MAGEL2: variants seen among roughly 807,000 people sequenced by gnomAD.
The protein encoded by MAGEL2 is MAGE-like protein 2.
For synonymous variants in MAGEL2, 792 were observed against 721.7 expected, an observed-to-expected ratio of 1.10 and a Z score of -1.56; for missense variants, 1,830 against 1,699.2, an observed-to-expected ratio of 1.08 and a Z score of -1.35.
In MAGEL2 at chr15:23,644,754, C is replaced by T. The variant is rs558186319; in HGVS notation, c.2989G>A (p.Ala997Thr). Residue 997 changes from alanine (A) to threonine (T), a missense_variant, in exon 1 of 1, where the codon GCA becomes ACA. By Grantham distance (58) the Ala-to-Thr change is moderately conservative. Transcript: ENST00000650528. The part of the protein sequence containing the change: ...SSLPVVVSEV[A>T]SVSPGSSATQ... ...GCACTGGATCCCGGAGAGACACTTG[C>T]GACCTCAGACACAACTACGGGCAGA... The T allele has an allele frequency of 4.1e-5, 66 of 1,613,764 alleles. No individual in the cohort carries two copies. The highest frequency in any genetic ancestry group is 1.6e-4 in the Middle Eastern group (1 of 6,062).
chr15:23,645,952 T>A lies in MAGEL2; in HGVS notation c.1791A>T (p.Pro597=). Residue 597 remains proline, a synonymous_variant, in exon 1 of 1, where the codon CCA becomes CCT. Coordinates refer to ENST00000650528, the MANE Select transcript of MAGEL2 (RefSeq NM_019066.5). ...WQAPKGQPPV[P]HEIPTSMEFQ... is the part of the protein sequence containing the mutation. ...ATTCCATTGACGTTGGAATCTCGTG[T>A]GGCACCGGGGGCTGACCTTTGGGGG... 2 of 1,566,750 alleles carry A rather than the reference T, an allele frequency of 1.3e-6. No individual in the cohort carries two copies. The highest frequency in any genetic ancestry group is 1.4e-5 in the African/African-American group (1 of 73,890).
rs34875116 is a variant in MAGEL2 at position 23,644,053 on chromosome 15, C to G, written c.3690G>C (p.Glu1230Asp). The change falls in exon 1 of 1, where the codon GAG becomes GAC. Residue 1230 changes from glutamate (E) to aspartate (D), a missense_variant. Transcript: ENST00000650528. ...LAECEWEDTD[E>D]DEPDTGDSAH... The stretch of plus-strand genomic sequence containing the variant: ...CACTGTCACCGGTGTCAGGTTCATC[C>G]TCATCTGTGTCTTCCCACTCACACT... 301 of 1,613,318 alleles carry G rather than the reference C, an allele frequency of 1.9e-4. No homozygotes were observed. The African/African-American group carries it at 2.4e-3, about 13-fold the overall frequency.
At position 23,644,581 on chromosome 15, in the gene MAGEL2, A is replaced by G. The variant is rs1307735740; in HGVS notation, c.3162T>C (p.Tyr1054=). The change falls in exon 1 of 1, where the codon TAT becomes TAC. Residue 1054 remains tyrosine, a synonymous_variant. Coordinates refer to ENST00000650528, the MANE Select transcript of MAGEL2 (RefSeq NM_019066.5). ...SEMVKVILRE[Y]KDECLDIINR... ...TGATGATATCTAAGCACTCATCTTT[A>G]TACTCTCGGAGGATGACTTTCACCA... The G allele has an allele frequency of 1.2e-6, 2 of 1,613,934 alleles. No homozygotes were observed. The highest frequency in any genetic ancestry group is 1.7e-6 in the Non-Finnish European group (2 of 1,179,876).
At position 23,646,356 on chromosome 15, in the gene MAGEL2, C is replaced by CCTGGCGGATCACAGG. The variant is rs1890403716; in HGVS notation, c.1386_1387insCCTGTGATCCGCCAG (p.Pro462_Ala463insProValIleArgGln). 1.6e-6 allele frequency: 2 copies of CCTGGCGGATCACAGG among 1,268,238 alleles called. No homozygotes were observed. The highest frequency in any genetic ancestry group is 2.3e-5 in the South Asian group (1 of 43,894). 78.6% of individuals were successfully genotyped at this position (1,268,238 alleles called of 1,614,324 possible). ...ACAGGTGGGGCCTGGCGGATCACAG[C>CCTGGCGGATCACAGG]GGGGGCCTGGCGGATCACGGGTGGG... On this transcript the variant is annotated inframe_insertion, in exon 1 of 1. Coordinates refer to ENST00000650528, the MANE Select transcript of MAGEL2 (RefSeq NM_019066.5). The surrounding 1 kb of genome is among the most constrained non-coding windows in gnomAD (Gnocchi z 4.2).
At position 23,646,671 on chromosome 15, in the gene MAGEL2, G is replaced by C. The variant is rs576726601; in HGVS notation, c.1072C>G (p.Pro358Ala). ...PPQVPQGPQA[P>A]PAQLATPPGW... ...GGGGGTGTGGCTAGCTGCGCTGGGG[G>C]TGCCTGCGGGCCCTGGGGAACCTGC... The change falls in exon 1 of 1, where the codon CCC becomes GCC. Residue 358 changes from proline to alanine, a missense_variant. Physicochemically the swap from Pro to Ala is conservative, Grantham distance 27. Transcript: ENST00000650528. The surrounding 1 kb of genome is among the most constrained non-coding windows in gnomAD (Gnocchi z 4.2). 1.8e-5 allele frequency: 27 copies of C among 1,508,544 alleles called. 1 individual carries two copies. The South Asian group carries it at 3.3e-4, about 18-fold the overall frequency. The allele number at this position is 1,508,544 out of a possible 1,614,324, so 93.4% of individuals were successfully genotyped here.
In MAGEL2 at chr15:23,646,304, C is replaced by T. The variant is rs1443482720; in HGVS notation, c.1439G>A (p.Arg480His). The change falls in exon 1 of 1, where the codon CGC becomes CAC. Residue 480 changes from arginine (R) to histidine (H), a missense_variant. Arg to His is a conservative substitution (Grantham distance 29). Coordinates refer to ENST00000650528, the MANE Select transcript of MAGEL2 (RefSeq NM_019066.5). The surrounding 1 kb of genome is among the most constrained non-coding windows in gnomAD (Gnocchi z 4.2). ...PVIRQAPPVI[R>H]QAPPVIRQAP... ...CTGGCGGATCACAGGTGGAGCCTGG[C>T]GGATCACAGGTGGGGCCTGGCGGAT... 1.5e-6 allele frequency: 2 copies of T among 1,370,682 alleles called. No homozygotes were observed. The highest frequency in any genetic ancestry group is 1.6e-5 in the African/African-American group (1 of 64,070). 84.9% of individuals were successfully genotyped at this position (1,370,682 alleles called of 1,614,324 possible). A position where few individuals can be genotyped will look rare whatever the true frequency, so the allele number is the denominator to read the frequency against.
At position 23,645,748 on chromosome 15, in the gene MAGEL2, G is replaced by A. The variant is rs567654551; in HGVS notation, c.1995C>T (p.Pro665=). The A allele has an allele frequency of 1.9e-6, 3 of 1,574,436 alleles. No homozygotes were observed. The highest frequency in any genetic ancestry group is 1.8e-5 in the Admixed American group (1 of 54,722). ...SQKAVQIQLP[P]QQAQASGPQA... is the part of the protein sequence containing the mutation. ...GCGGACCCGATGCCTGGGCCTGCTG[G>A]GGGGGTAGCTGGATTTGCACGGCTT... The change falls in exon 1 of 1, where the codon CCC becomes CCT. Residue 665 remains proline, a synonymous_variant. Transcript: ENST00000650528.
Position 23,647,538 on chromosome 15 carries a change from G to T in MAGEL2, c.205C>A (p.Gln69Lys), listed in dbSNP as rs958433254. Residue 69 changes from glutamine (Q) to lysine (K), a missense_variant, in exon 1 of 1, where the codon CAG becomes AAG. By Grantham distance (53) the Gln-to-Lys change is moderately conservative. Coordinates refer to ENST00000650528, the MANE Select transcript of MAGEL2 (RefSeq NM_019066.5). Reference sequence around the variant, plus strand: ...ACCACCGGGGCGGGCAGCTGGCCCTGTGGGGCCTCCCAGGCAGGCTGAGGT... The same window carrying T: ...ACCACCGGGGCGGGCAGCTGGCCCTTTGGGGCCTCCCAGGCAGGCTGAGGT... ...QAPQPAWEAPQGQLPAPVVPM... is the reference protein window; with the variant it reads ...QAPQPAWEAPKGQLPAPVVPM... 2.6e-6 allele frequency: 4 copies of T among 1,533,040 alleles called. No individual in the cohort carries two copies. In the African/African-American group the frequency reaches 5.5e-5, roughly 21 times the overall value. The allele number at this position is 1,533,040 out of a possible 1,614,324, so 95.0% of individuals were successfully genotyped here. A position where few individuals can be genotyped will look rare whatever the true frequency, so the allele number is the denominator to read the frequency against.
At position 23,645,640 on chromosome 15, in the gene MAGEL2, T is replaced by A. The variant is rs1595332441; in HGVS notation, c.2103A>T (p.Val701=). The change falls in exon 1 of 1, where the codon GTA becomes GTT. Residue 701 remains valine (V), a synonymous_variant. Transcript: ENST00000650528. ...AGCCCAGGGGAAAATTTGCCGCTGC[T>A]ACCGGGGGTCCGGGCTGGGCCTGCA... ...AVLQAQPGPP[V]AAANFPLGSA... 6 of 1,587,074 alleles carry A rather than the reference T, an allele frequency of 3.8e-6. No individual in the cohort carries two copies. In the Admixed American group the frequency reaches 8.8e-5, roughly 23 times the overall value.
rs1380046337 is a variant in MAGEL2, at chr15:23,647,212, G to T, written c.531C>A (p.Thr177=). Reference sequence around the variant, plus strand: ...CCGGAGGAGGAGGATGCACCATCGGGGTCCCCGGAGGAGGAGGATGGGCCA... The same window carrying T: ...CCGGAGGAGGAGGATGCACCATCGGTGTCCCCGGAGGAGGAGGATGGGCCA... ...TPMAHPPPPG[T]PMVHPPPPGT... Residue 177 remains threonine (T), a synonymous_variant, in exon 1 of 1, where the codon ACC becomes ACA. Coordinates refer to ENST00000650528, the MANE Select transcript of MAGEL2 (RefSeq NM_019066.5). 5 of 1,519,438 alleles carry T rather than the reference G, an allele frequency of 3.3e-6. No homozygotes were observed. The East Asian group carries it at 1.2e-4, about 37-fold the overall frequency. 94.1% of individuals were successfully genotyped at this position (1,519,438 alleles called of 1,614,324 possible).
chr15:23,644,745 A>G lies in MAGEL2; in HGVS notation c.2998T>C (p.Ser1000Pro), dbSNP rs1890355286. Residue 1000 changes from serine (S) to proline (P), a missense_variant, in exon 1 of 1, where the codon TCT becomes CCT. Transcript: ENST00000650528. ...PVVVSEVASV[S>P]PGSSATQDNS... is the part of the protein sequence containing the mutation. ...TCCTGGGTGGCACTGGATCCCGGAG[A>G]GACACTTGCGACCTCAGACACAACT... is the stretch of plus-strand genomic sequence containing the variant. The G allele has an allele frequency of 6.2e-7, 1 of 1,613,544 alleles. No homozygotes were observed. Among genetic ancestry groups the G allele is most frequent in the African/African-American group, 1.3e-5 (1 of 74,848 alleles).
Position 23,646,455 on chromosome 15 carries a change from C to G in MAGEL2, c.1288G>C (p.Val430Leu). 3.5e-6 allele frequency: 5 copies of G among 1,421,972 alleles called. No individual in the cohort carries two copies. The highest frequency in any genetic ancestry group is 4.6e-6 in the Non-Finnish European group (5 of 1,096,596). 88.1% of individuals were successfully genotyped at this position (1,421,972 alleles called of 1,614,324 possible). The change falls in exon 1 of 1, where the codon GTG becomes CTG. Residue 430 changes from valine (V) to leucine (L), a missense_variant. Transcript: ENST00000650528. The surrounding 1 kb of genome is among the most constrained non-coding windows in gnomAD (Gnocchi z 4.2). Reference protein sequence around the residue: ...PPPIRPGPPPVRQAPPLIRQA... With the variant: ...PPPIRPGPPPLRQAPPLIRQA... ...CGGATCAGCGGTGGGGCCTGTCGCACCGGTGGTGGGCCAGGGCGGATGGGT... is the reference window on the plus strand; with the variant it reads ...CGGATCAGCGGTGGGGCCTGTCGCAGCGGTGGTGGGCCAGGGCGGATGGGT...
Position 23,646,339 on chromosome 15 carries a change from G to T in MAGEL2, c.1404C>A (p.Ala468=), listed in dbSNP as rs2233064. ...IRQAPAVIRQ[A]PPVIRQAPPV... is the part of the protein sequence containing the mutation. ...GTGGGGCCTGGCGGATCACAGGTGG[G>T]GCCTGGCGGATCACAGCGGGGGCCT... is the stretch of plus-strand genomic sequence containing the variant. Residue 468 remains alanine, a synonymous_variant, in exon 1 of 1, where the codon GCC becomes GCA. Coordinates refer to ENST00000650528, the MANE Select transcript of MAGEL2 (RefSeq NM_019066.5). The surrounding 1 kb of genome is among the most constrained non-coding windows in gnomAD (Gnocchi z 4.2). 995 of 1,375,472 alleles carry T rather than the reference G, an allele frequency of 7.2e-4. 12 individuals carry two copies. The African/African-American group carries it at 0.013, about 18-fold the overall frequency. 85.2% of individuals were successfully genotyped at this position (1,375,472 alleles called of 1,614,324 possible).
Position 23,645,817 on chromosome 15 carries a change from C to A in MAGEL2, c.1926G>T (p.Leu642Phe), listed in dbSNP as rs1305309809. The A allele has an allele frequency of 6.3e-7, 1 of 1,588,380 alleles. No individual in the cohort carries two copies. The highest frequency in any genetic ancestry group is 8.6e-7 in the Non-Finnish European group (1 of 1,168,692). The change falls in exon 1 of 1, where the codon TTG becomes TTT. Residue 642 changes from leucine to phenylalanine, a missense_variant. Leu to Phe is a conservative substitution (Grantham distance 22). Transcript: ENST00000650528. ...AQEAQRQAPP[L>F]VQLEQPFQGA... ...CCTGAAAGGGCTGCTCCAGCTGGACCAAGGGGGGAGCCTGCCTCTGGGCCT... is the reference window on the plus strand; with the variant it reads ...CCTGAAAGGGCTGCTCCAGCTGGACAAAGGGGGGAGCCTGCCTCTGGGCCT...
At position 23,645,086 on chromosome 15, in the gene MAGEL2, G is replaced by A. The variant is rs1258028841; in HGVS notation, c.2657C>T (p.Thr886Ile). The A allele has an allele frequency of 1.9e-6, 3 of 1,613,908 alleles. No homozygotes were observed. Among genetic ancestry groups the A allele is most frequent in the South Asian group, 1.1e-5 (1 of 91,090 alleles). ...GGCTTCCAGATGCTTCTTCTTCCGG[G>A]TGGCCTTGCCGGAGCGGCGTGGCGG... is the stretch of plus-strand genomic sequence containing the variant. ...VEPPRRSGKA[T>I]RKKKHLEAQE... Residue 886 changes from threonine (T) to isoleucine (I), a missense_variant, in exon 1 of 1, where the codon ACC becomes ATC. Thr to Ile is a moderately conservative substitution (Grantham distance 89). Coordinates refer to ENST00000650528, the MANE Select transcript of MAGEL2 (RefSeq NM_019066.5).
At position 23,645,595 on chromosome 15, in the gene MAGEL2, A is replaced by G. The variant is rs1280980852; in HGVS notation, c.2148T>C (p.Thr716=). 9 of 1,604,738 alleles carry G rather than the reference A, an allele frequency of 5.6e-6. No homozygotes were observed. The highest frequency in any genetic ancestry group is 7.7e-6 in the Non-Finnish European group (9 of 1,175,578). The change falls in exon 1 of 1, where the codon ACT becomes ACC. Residue 716 remains threonine (T), a synonymous_variant. Coordinates refer to ENST00000650528, the MANE Select transcript of MAGEL2 (RefSeq NM_019066.5). The stretch of plus-strand genomic sequence containing the variant: ...AAGAGGCCCTGCATTCTCCTGATGG[A>G]GTCATCAATGATTTAGCGGAGCCCA... ...FPLGSAKSLM[T]PSGECRASSI...
Position 23,645,150 on chromosome 15 carries a change from T to C in MAGEL2, c.2593A>G (p.Thr865Ala), listed in dbSNP as rs1387515978. 3 of 1,613,722 alleles carry C rather than the reference T, an allele frequency of 1.9e-6. No individual in the cohort carries two copies. The highest frequency in any genetic ancestry group is 2.5e-6 in the Non-Finnish European group (3 of 1,179,886). ...TTGGAGGCCTCTTGAGTGGTGGCAGTTGCCTGGGGGGCAGCTGCTGTAGCC... is the reference window on the plus strand; with the variant it reads ...TTGGAGGCCTCTTGAGTGGTGGCAGCTGCCTGGGGGGCAGCTGCTGTAGCC... ...LMATAAAPQA[T>A]ATTQEASKTS... is the part of the protein sequence containing the mutation. Residue 865 changes from threonine (T) to alanine (A), a missense_variant, in exon 1 of 1, where the codon ACT (threonine) becomes GCT (alanine). Physicochemically the swap from Thr to Ala is moderately conservative, Grantham distance 58 (BLOSUM62 0). Coordinates refer to ENST00000650528, the MANE Select transcript of MAGEL2 (RefSeq NM_019066.5).
chr15:23,644,875 A>G lies in MAGEL2; in HGVS notation c.2868T>C (p.Ser956=), dbSNP rs767942371. Residue 956 remains serine (S), a synonymous_variant, in exon 1 of 1, where the codon AGT becomes AGC. Coordinates refer to ENST00000650528, the MANE Select transcript of MAGEL2 (RefSeq NM_019066.5). The part of the protein sequence containing the change: ...WEGPSTSRIL[S]GWEGPSASWA... ...AGGATGCGCTGGGCCCTTCCCAGCC[A>G]CTCAGGATCCTGGAGGTGCTAGGGC... 1 of 1,612,496 alleles carries G rather than the reference A, an allele frequency of 6.2e-7. No homozygotes were observed. The highest frequency in any genetic ancestry group is 8.5e-7 in the Non-Finnish European group (1 of 1,179,758).
chr15:23,644,023 G>A lies in MAGEL2; in HGVS notation c.3720C>T (p.His1240=), dbSNP rs368278417. ...EDEPDTGDSA[H]GPTSRPPPR is the part of the protein sequence containing the mutation. Reference sequence around the variant, plus strand: ...GGGGAGGGGGCCTGCTGGTGGGGCCGTGGGCACTGTCACCGGTGTCAGGTT... The same window carrying A: ...GGGGAGGGGGCCTGCTGGTGGGGCCATGGGCACTGTCACCGGTGTCAGGTT... The change falls in exon 1 of 1, where the codon CAC becomes CAT. Residue 1240 remains histidine, a synonymous_variant. Coordinates refer to ENST00000650528, the MANE Select transcript of MAGEL2 (RefSeq NM_019066.5). 30 of 1,607,424 alleles carry A rather than the reference G, an allele frequency of 1.9e-5. 1 individual carries two copies. In the South Asian group the frequency reaches 1.9e-4, roughly 10 times the overall value.
Sources: allele counts gnomAD v4.1 joint callset, GRCh38; gene constraint gnomAD v4.1.1; non-coding constraint Gnocchi (gnomAD v3.1); transcripts MANE v1.5; gene names NCBI Gene and HGNC (gene_info 2026-07-23, HGNC 2026-07-21).